Variants in ADAMTSL1 observed in about 807,000 individuals in gnomAD.
ADAMTSL1 encodes ADAMTS like 1.
Under a neutral mutation model 201.8 loss-of-function variants are expected in ADAMTSL1, and 126 were observed. That is an observed-to-expected ratio of 0.62 (90% CI 0.54 to 0.72). ADAMTSL1 has a LOEUF of 0.72. ADAMTSL1 is among the 30% of genes least tolerant of loss of function. The probability of loss-of-function intolerance (pLI) is 0.00; values close to 1 mark genes in which losing one functional copy is unlikely to be tolerated. For missense variants in ADAMTSL1, 2,679 were observed against 2,277.8 expected (o/e 1.18, Z -3.59); for synonymous variants, 1,121 against 903.4 (o/e 1.24, Z -4.32).
chr9:18,095,755 A>G (rs1824225074), intron 1 of ADAMTSL1, among the ~76,000 whole-genome samples: 2 of 152,058 alleles, frequency 1.3e-5, no homozygotes, highest in Non-Finnish European at 2.9e-5. Context: ...CTGGGCTGAC[A>G]ACGTATTTCA....
chr9:18,070,129 A>T (rs1225445630), intron 1 of ADAMTSL1, among the ~76,000 whole-genome samples: 1 of 152,194 alleles, frequency 6.6e-6, no homozygotes, highest in African/African-American at 2.4e-5. Context: ...GTGGACTGAA[A>T]ACAGACTAGG....
chr9:18,731,147 G>C (rs1303201348), intron 15 of ADAMTSL1, among the ~76,000 whole-genome samples: 1 of 152,232 alleles, frequency 6.6e-6, no homozygotes, highest in Admixed American at 6.5e-5. Context: ...ACAAGACCAA[G>C]AGGAGACTTG....
intron 1 of ADAMTSL1, among the ~76,000 whole-genome samples, chr9:18,003,564 T>TCAAA (rs1819696671): frequency 1.3e-5 from 2 of 152,082 alleles, no homozygotes; most frequent in Non-Finnish European, 2.9e-5. Context: ...ACTCAAAGAC[T>TCAAA]TACCATTTGG....
At chr9:18,258,391 G>C (rs1040721453) in intron 2 of ADAMTSL1, among the ~76,000 whole-genome samples, 3 of 152,244 alleles carry the variant, frequency 2.0e-5, no homozygotes, top group African/African-American at 2.4e-5. Context: ...TTGGGAGAAA[G>C]AGGGTTCTGA....
chr9:18,721,674 T>C lies in ADAMTSL1; in HGVS notation c.2006+9T>C, dbSNP rs750928147. On this transcript the variant is annotated intron_variant, in intron 15 of 28. Coordinates refer to ENST00000380548, the MANE Select transcript of ADAMTSL1 (RefSeq NM_001040272.6). ...GATCCCTGCCCAGCAAGGTAAGGGATGTGTGGCCTGCCCTGCTGTCCAGGG... is the reference window on the plus strand; with the variant it reads ...GATCCCTGCCCAGCAAGGTAAGGGACGTGTGGCCTGCCCTGCTGTCCAGGG... 18 of 1,613,392 alleles carry C rather than the reference T, an allele frequency of 1.1e-5. No individual in the cohort carries two copies. The South Asian group carries it at 2.0e-4, about 18-fold the overall frequency.
intron 1 of ADAMTSL1, among the ~76,000 whole-genome samples, chr9:18,012,410 C>G (rs918848210): frequency 3.5e-4 from 53 of 152,046 alleles, no homozygotes; most frequent in African/African-American, 1.3e-3. Flanking sequence ...GCCCTTGAGT[C>G]ACTGAAATCT....
chr9:18,275,902 T>C (rs754537618), intron 2 of ADAMTSL1, among the ~76,000 whole-genome samples: 35 of 152,280 alleles, frequency 2.3e-4, no homozygotes, highest in South Asian at 2.1e-3. Flanking sequence ...TAGGCTCCTA[T>C]GATAAATGCA....
At chr9:18,688,926 C>A (rs1485270926) in intron 13 of ADAMTSL1, among the ~76,000 whole-genome samples, 1 of 151,414 alleles carries the variant, frequency 6.6e-6, no homozygotes, top group Non-Finnish European at 1.5e-5. Flanking sequence ...GGGAAAAATA[C>A]TGATAAAATT....
intron 1 of ADAMTSL1, among the ~76,000 whole-genome samples, chr9:18,026,280 C>G (rs1191500762): frequency 6.6e-6 from 1 of 151,942 alleles, no homozygotes; most frequent in Non-Finnish European, 1.5e-5. Context: ...TTCTTGTCTT[C>G]TTTCAGTTCT....
At position 18,707,001 on chromosome 9, in the gene ADAMTSL1, A is replaced by G. The variant is rs1832272178; in HGVS notation, c.1829A>G (p.Asp610Gly). The part of the protein sequence containing the change: ...GGLQDFDELY[D>G]WEYEGFTKCS... ...CTGCAGGATTTCGACGAGCTGTATG[A>G]CTGGGAGTATGAGGGGTTCACCAAG... Residue 610 changes from aspartate (D) to glycine (G), a missense_variant, in exon 14 of 29, where the codon GAC becomes GGC. Transcript: ENST00000380548. 2.5e-6 allele frequency: 4 copies of G among 1,613,794 alleles called. No individual in the cohort carries two copies. The highest frequency in any genetic ancestry group is 3.4e-6 in the Non-Finnish European group (4 of 1,179,894).
Position 18,504,056 on chromosome 9 carries a change from G to A in ADAMTSL1, c.64-773G>A, listed in dbSNP as rs7038860. Among the ~76,000 whole-genome samples the A allele has an allele frequency of 6.4e-3, 980 of 151,992 alleles. 11 individuals are homozygous for A. The highest frequency in any genetic ancestry group is 0.022 in the African/African-American group (917 of 41,404). ...CCAATTTGTAAAAAGGGAAATTGGG[G>A]CATAGGAAGGTGGTAAGTTACTTGT... On this transcript the variant is annotated intron_variant, in intron 1 of 28. Coordinates refer to ENST00000380548, the MANE Select transcript of ADAMTSL1 (RefSeq NM_001040272.6).
intron 2 of ADAMTSL1, among the ~76,000 whole-genome samples, chr9:18,249,938 G>C (rs10810934): frequency 0.16 from 24,825 of 152,018 alleles, 2,285 homozygotes; most frequent in East Asian, 0.38. Flanking sequence ...TTCCCCAATG[G>C]AATCATGTAC....
intron 15 of ADAMTSL1, among the ~76,000 whole-genome samples, chr9:18,732,795 A>C (rs1818290724): frequency 1.3e-5 from 2 of 152,214 alleles, no homozygotes; most frequent in Non-Finnish European, 2.9e-5. Flanking sequence ...TCTTGTCCCC[A>C]TATCCTTGCT....
At chr9:18,636,909 C>T (rs1827143094) in intron 6 of ADAMTSL1, among the ~76,000 whole-genome samples, 1 of 152,222 alleles carries the variant, frequency 6.6e-6, no homozygotes, top group African/African-American at 2.4e-5. Flanking sequence ...GTCCTTTCTC[C>T]CCTCCCACAC....
chr9:18,094,742 A>AT (rs1363421593), intron 1 of ADAMTSL1, among the ~76,000 whole-genome samples: 2 of 146,460 alleles, frequency 1.4e-5, no homozygotes, highest in African/African-American at 5.1e-5. Context: ...TTTTTTTTGT[A>AT]TTTTTTGTAG....
chr9:18,312,862 A>C (rs565329300), intron 2 of ADAMTSL1, among the ~76,000 whole-genome samples: 3 of 152,292 alleles, frequency 2.0e-5, no homozygotes, highest in South Asian at 4.2e-4. Context: ...AATGATATTT[A>C]TATGAATGAT....
At chr9:17,940,905 G>A (rs1180063378) in intron 1 of ADAMTSL1, among the ~76,000 whole-genome samples, 2 of 145,818 alleles carry the variant, frequency 1.4e-5, no homozygotes, top group East Asian at 4.2e-4. Context: ...AAATTCTTAA[G>A]GACTGTATTG....
intron 26 of ADAMTSL1, among the ~76,000 whole-genome samples, chr9:18,894,041 G>C (rs1010831417): frequency 1.3e-5 from 2 of 152,250 alleles, no homozygotes; most frequent in Admixed American, 6.5e-5. Context: ...ATTTGCAGGA[G>C]AATGAGGTGA....
chr9:17,972,097 T>G (rs2131429812), intron 1 of ADAMTSL1, among the ~76,000 whole-genome samples: 1 of 152,028 alleles, frequency 6.6e-6, no homozygotes, highest in East Asian at 1.9e-4. Context: ...CACAGTGACC[T>G]ATTTTTTGTG....
Sources: gnomAD v4.1 joint callset for allele counts (sites outside exome capture counted in the v4.1 genomes callset) on GRCh38, gnomAD v4.1.1 for gene constraint, MANE v1.5 for transcripts, NCBI Gene and HGNC (gene_info 2026-07-23, HGNC 2026-07-21) for gene names.